CADPS: variants seen among roughly 807,000 people sequenced by gnomAD.
The protein encoded by CADPS is calcium-dependent secretion activator 1.
CADPS carries 57 observed loss-of-function variants against 167.3 expected under a neutral mutation model. The observed-to-expected ratio is 0.34, with a 90% CI of 0.28 to 0.42. CADPS has a LOEUF of 0.42. CADPS is among the 20% of genes least tolerant of loss of function. The pLI is 1.00. For missense variants in CADPS, 1,414 were observed against 1,738.1 expected (o/e 0.81, Z 3.32); for synonymous variants, 676 against 635.3 (o/e 1.06, Z -0.96).
intron 13 of CADPS, among the ~76,000 whole-genome samples, chr3:62,520,132 G>T (rs1394102251): frequency 6.6e-6 from 1 of 152,156 alleles, no homozygotes; most frequent in Non-Finnish European, 1.5e-5. Flanking sequence ...ACTGATCACA[G>T]CAAAAAGTAT....
chr3:62,513,279 G>A (rs373014665), intron 16 of CADPS, among the ~76,000 whole-genome samples: 3 of 151,992 alleles, frequency 2.0e-5, no homozygotes, highest in East Asian at 3.9e-4. Context: ...GACACCTAAC[G>A]CATTGCTCCC....
chr3:62,518,904 A>G (rs1235579888), intron 13 of CADPS, among the ~76,000 whole-genome samples: 2 of 152,180 alleles, frequency 1.3e-5, no homozygotes, highest in African/African-American at 4.8e-5. Context: ...TTCGTTGAAG[A>G]ACAAACCACA....
At chr3:62,450,831 C>T (rs533281737) in intron 26 of CADPS, among the ~76,000 whole-genome samples, 387 of 152,226 alleles carry the variant, frequency 2.5e-3, no homozygotes, top group African/African-American at 8.8e-3. Flanking sequence ...CCTCAACAAC[C>T]TTTTGAGGGG....
At chr3:62,535,111 G>C (rs1045267270) in intron 12 of CADPS, among the ~76,000 whole-genome samples, 1 of 151,992 alleles carries the variant, frequency 6.6e-6, no homozygotes, top group Non-Finnish European at 1.5e-5. Context: ...TTTAAGTTCA[G>C]AGGCACATTC....
intron 17 of CADPS, among the ~76,000 whole-genome samples, chr3:62,508,058 A>C (rs1561414086): frequency 6.6e-6 from 1 of 152,214 alleles, no homozygotes; most frequent in Non-Finnish European, 1.5e-5. Context: ...CAAATCATTG[A>C]GTGCTCAGGC....
At chr3:62,610,112 G>GA (rs756654681) in intron 6 of CADPS, among the ~76,000 whole-genome samples, 23 of 148,916 alleles carry the variant, frequency 1.5e-4, no homozygotes, top group South Asian at 4.3e-4. Flanking sequence ...AAACACACCA[G>GA]AAAAAAAAAC....
chr3:62,593,912 G>T (rs1389904037), intron 6 of CADPS, among the ~76,000 whole-genome samples: 1 of 152,170 alleles, frequency 6.6e-6, no homozygotes, highest in African/African-American at 2.4e-5. Flanking sequence ...TGAGCACAGG[G>T]ACTGTGTTTT....
chr3:62,536,705 C>T, intron 11 of CADPS, 124 bp from the exon 12 acceptor site: 1 of 863,210 alleles, frequency 1.2e-6, no homozygotes, highest in Non-Finnish European at 1.9e-6. Flanking sequence ...CGTTGCCTCC[C>T]ACCAACATCC....
chr3:62,494,018 G>A lies in CADPS; in HGVS notation c.2707-353C>T, dbSNP rs148782698. Among the ~76,000 whole-genome samples, 162 of 152,288 alleles carry A rather than the reference G, an allele frequency of 1.1e-3. 1 individual carries two copies. The highest frequency in any genetic ancestry group is 3.7e-3 in the African/African-American group (153 of 41,584). ...ATAAATTGAAGTCAAAGAAACAGTA[G>A]ATTTAATTTCATAGATCCTAGGATG... is the stretch of plus-strand genomic sequence containing the variant. On this transcript the variant is annotated intron_variant, in intron 18 of 29. Transcript: ENST00000383710.
chr3:62,439,804 A>G lies in CADPS; in HGVS notation c.3670-1593T>C, dbSNP rs928464065. ...GTACAAAGTCAAGTGCGGCAGATCT[A>G]TCAGTAACCCAAAATGTTAGAAGAA... is the stretch of plus-strand genomic sequence containing the variant. On this transcript the variant is annotated intron_variant, in intron 27 of 29. Coordinates refer to ENST00000383710, the MANE Select transcript of CADPS (RefSeq NM_003716.4). 3.9e-5 allele frequency: 6 copies of G among 152,296 alleles called. No individual in the cohort carries two copies. In the East Asian group the frequency reaches 1.2e-3, roughly 29 times the overall value. The allele number at this position is 152,296 out of a possible 1,614,324, so 9.4% of individuals were successfully genotyped here. A position where few individuals can be genotyped will look rare whatever the true frequency, so the allele number is the denominator to read the frequency against.
intron 17 of CADPS, among the ~76,000 whole-genome samples, chr3:62,505,662 C>A (rs1053314979): frequency 6.6e-6 from 1 of 152,176 alleles, no homozygotes; most frequent in Non-Finnish European, 1.5e-5. Context: ...TGAGAGCTTC[C>A]CTTCATGACA....
chr3:62,701,155 G>T (rs532116163), intron 3 of CADPS, among the ~76,000 whole-genome samples: 27 of 152,048 alleles, frequency 1.8e-4, no homozygotes, highest in Non-Finnish European at 3.5e-4. Flanking sequence ...TATGAATTTG[G>T]GGGGAGGGAC....
rs774033852 is a variant in CADPS, at chr3:62,570,867, G to C, written c.1644+5C>G. The C allele has an allele frequency of 6.3e-7, 1 of 1,594,648 alleles. No homozygotes were observed. The highest frequency in any genetic ancestry group is 8.6e-7 in the Non-Finnish European group (1 of 1,162,326). On this transcript the variant is annotated splice_donor_5th_base_variant and intron_variant, in intron 9 of 29. Coordinates refer to ENST00000383710, the MANE Select transcript of CADPS (RefSeq NM_003716.4). ...ATGTCTCTTAAGAGTTGAAGAGTTA[G>C]TTACCTGCACCAATACAAAAAACCT...
intron 1 of CADPS, among the ~76,000 whole-genome samples, chr3:62,824,206 A>G (rs960242011): frequency 6.6e-6 from 1 of 152,194 alleles, no homozygotes; most frequent in Non-Finnish European, 1.5e-5. Flanking sequence ...AAGAAAGAAA[A>G]AGAATGTCTT....
chr3:62,506,763 C>T (rs972400081), intron 17 of CADPS, among the ~76,000 whole-genome samples: 1 of 152,128 alleles, frequency 6.6e-6, no homozygotes, highest in Non-Finnish European at 1.5e-5. Context: ...ATGACTGGCT[C>T]TGGGGTTAGC....
intron 18 of CADPS, 40 bp from the exon 19 acceptor site, chr3:62,493,705 C>G (rs2151136656): frequency 6.5e-7 from 1 of 1,541,998 alleles, no homozygotes; most frequent in Admixed American, 2.0e-5. Context: ...AGTCATGGAC[C>G]ATTCTGCAAG....
At chr3:62,739,013 A>G (rs1308920998) in intron 3 of CADPS, among the ~76,000 whole-genome samples, 1 of 152,214 alleles carries the variant, frequency 6.6e-6, no homozygotes, top group East Asian at 1.9e-4. Flanking sequence ...CTCTGATTAT[A>G]ACGACACCTT....
At chr3:62,584,192 A>G (rs2084070120) in intron 8 of CADPS, among the ~76,000 whole-genome samples, 1 of 151,914 alleles carries the variant, frequency 6.6e-6, no homozygotes, top group Non-Finnish European at 1.5e-5. Context: ...TTTTTAGTAG[A>G]GATGGAGTTT....
At chr3:62,758,565 A>G (rs1307419759) in intron 2 of CADPS, among the ~76,000 whole-genome samples, 3 of 152,198 alleles carry the variant, frequency 2.0e-5, no homozygotes, top group Admixed American at 1.3e-4. Context: ...CTCTAAAACA[A>G]CTATTCAAAC....
Sources: gnomAD v4.1 joint callset for allele counts (sites outside exome capture counted in the v4.1 genomes callset) on GRCh38, gnomAD v4.1.1 for gene constraint, MANE v1.5 for transcripts, NCBI Gene and HGNC (gene_info 2026-07-23, HGNC 2026-07-21) for gene names.